Variants in GRB14 observed in about 807,000 individuals in gnomAD.
GRB14 encodes growth factor receptor-bound protein 14.
A neutral mutation model predicts 69.1 loss-of-function variants in GRB14; 38 were observed. The observed-to-expected ratio is 0.55, with a 90% confidence interval of 0.42 to 0.72. The LOEUF (loss-of-function observed/expected upper bound fraction) is 0.72, where lower values mean the gene tolerates loss of function less well. GRB14 is among the 30% of genes least tolerant of loss of function. GRB14 has a pLI of 0.00. For synonymous variants in GRB14, 247 were observed against 241.3 expected, an observed-to-expected ratio of 1.02 and a Z score of -0.22; for missense variants, 666 against 666.1, an observed-to-expected ratio of 1.00 and a Z score of 0.00.
chr2:164,594,920 C>T (rs1457056612), intron 2 of GRB14, among the ~76,000 whole-genome samples: 1 of 152,124 alleles, frequency 6.6e-6, no homozygotes, highest in Non-Finnish European at 1.5e-5. Flanking sequence ...TCTGTTTCTG[C>T]CATAACTCAG....
intron 6 of GRB14, among the ~76,000 whole-genome samples, chr2:164,511,286 G>A (rs892148396): frequency 4.6e-5 from 7 of 152,154 alleles, no homozygotes; most frequent in East Asian, 1.9e-4. Flanking sequence ...GGGTGGCTAC[G>A]GGAGTCCTTG....
chr2:164,553,071 G>A (rs1167758874), intron 2 of GRB14, among the ~76,000 whole-genome samples: 2 of 152,146 alleles, frequency 1.3e-5, no homozygotes, highest in African/African-American at 4.8e-5. Context: ...ACCCCCATAT[G>A]TTTTCCTACA....
intron 13 of GRB14, among the ~76,000 whole-genome samples, chr2:164,493,433 T>TAAAG (rs929302139): frequency 2.0e-5 from 3 of 152,134 alleles, no homozygotes; most frequent in African/African-American, 4.8e-5. Context: ...ATTCTGTTAG[T>TAAAG]AAAGACAGTA....
At position 164,581,928 on chromosome 2, in the gene GRB14, C is replaced by G. The variant is rs529312706; in HGVS notation, c.325-34112G>C. 1.3e-4 allele frequency among the ~76,000 whole-genome samples: 20 copies of G among 152,228 alleles called. No individual in the cohort carries two copies. The South Asian group carries it at 4.2e-3, about 32-fold the overall frequency. The stretch of plus-strand genomic sequence containing the variant: ...CAATAAACTCCTCAATTTTAAGGAC[C>G]CTTGTCTTCATTCTACTTGTCCTTC... On this transcript the variant is annotated intron_variant, in intron 2 of 13. Transcript: ENST00000263915.
chr2:164,574,468 C>T (rs1038998310), intron 2 of GRB14, among the ~76,000 whole-genome samples: 8 of 151,882 alleles, frequency 5.3e-5, no homozygotes, highest in Admixed American at 1.3e-4. Context: ...CTCAATCTTT[C>T]GACCTGATCC....
chr2:164,617,547 T>C (rs1435147577), intron 2 of GRB14, among the ~76,000 whole-genome samples: 2 of 152,140 alleles, frequency 1.3e-5, no homozygotes, highest in East Asian at 3.9e-4. Context: ...CCTGGCACTT[T>C]ACCCATTCTT....
At chr2:164,579,732 A>G (rs1002549224) in intron 2 of GRB14, among the ~76,000 whole-genome samples, 2 of 152,146 alleles carry the variant, frequency 1.3e-5, no homozygotes, top group African/African-American at 4.8e-5. Flanking sequence ...GATGTTGAAG[A>G]AAATGACCTT....
chr2:164,592,291 C>T (rs867183067), intron 2 of GRB14, among the ~76,000 whole-genome samples: 4 of 152,020 alleles, frequency 2.6e-5, no homozygotes, highest in African/African-American at 7.2e-5. Context: ...CCTATCATCA[C>T]GCCAGGTTAA....
At chr2:164,516,194 C>T (rs1687481394) in intron 6 of GRB14, among the ~76,000 whole-genome samples, 1 of 151,942 alleles carries the variant, frequency 6.6e-6, no homozygotes. Context: ...TCTAGACATC[C>T]AAATACAAGA....
At chr2:164,534,378 T>C (rs905713276) in intron 3 of GRB14, among the ~76,000 whole-genome samples, 4 of 152,186 alleles carry the variant, frequency 2.6e-5, no homozygotes, top group African/African-American at 9.7e-5. Context: ...GGAGGCATAA[T>C]TGAATATCAG....
At chr2:164,576,598 T>C (rs1460839268) in intron 2 of GRB14, among the ~76,000 whole-genome samples, 2 of 151,576 alleles carry the variant, frequency 1.3e-5, no homozygotes, top group Non-Finnish European at 2.9e-5. Context: ...ACAATGAAAA[T>C]TGAAAGTGTA....
chr2:164,506,515 A>C (rs1687193656), intron 8 of GRB14, among the ~76,000 whole-genome samples: 1 of 152,224 alleles, frequency 6.6e-6, no homozygotes, highest in African/African-American at 2.4e-5. Flanking sequence ...GTAGGAATGC[A>C]AAATGGTTCA....
chr2:164,522,888 C>G (rs1165757024), intron 5 of GRB14, among the ~76,000 whole-genome samples: 1 of 152,064 alleles, frequency 6.6e-6, no homozygotes. Context: ...GGAAGTGACC[C>G]TTTGCCAATT....
rs182510828 is a variant in GRB14, at chr2:164,525,019, G to A, written c.663C>T (p.Pro221=). 1 of 1,579,548 alleles carries A rather than the reference G, an allele frequency of 6.3e-7. No homozygotes were observed. The highest frequency in any genetic ancestry group is 8.6e-7 in the Non-Finnish European group (1 of 1,156,242). The stretch of plus-strand genomic sequence containing the variant: ...TATATTTTACCTGCAAAATCTGTGT[G>A]GGGGATATTTCACCATTGGTTTCAG... ...FATETNGEIS[P]TQILQMFLSS... Residue 221 remains proline (P), a synonymous_variant, in exon 5 of 14, where the codon CCC becomes CCT. Transcript: ENST00000263915.
chr2:164,563,826 A>G (rs936414757), intron 2 of GRB14, among the ~76,000 whole-genome samples: 1 of 152,250 alleles, frequency 6.6e-6, no homozygotes, highest in Non-Finnish European at 1.5e-5. Context: ...TTAAAATACT[A>G]AGATCTAGTT....
chr2:164,493,229 G>A (rs1686805740), intron 13 of GRB14, 47 bp from the exon 14 acceptor site: 1 of 1,562,704 alleles, frequency 6.4e-7, no homozygotes, highest in Non-Finnish European at 8.7e-7. Flanking sequence ...AAATTACACA[G>A]AAGGACAATC....
At chr2:164,548,216 G>C in intron 2 of GRB14, among the ~76,000 whole-genome samples, 1 of 151,930 alleles carries the variant, frequency 6.6e-6, no homozygotes. Flanking sequence ...CTGCATATTT[G>C]ACTTATTTTT....
At chr2:164,617,051 G>A (rs1374376503) in intron 2 of GRB14, among the ~76,000 whole-genome samples, 1 of 152,184 alleles carries the variant, frequency 6.6e-6, no homozygotes, top group African/African-American at 2.4e-5. Flanking sequence ...AGAACTGAGT[G>A]TGTATAAAGA....
chr2:164,585,946 G>C (rs1193358619), intron 2 of GRB14, among the ~76,000 whole-genome samples: 1 of 152,202 alleles, frequency 6.6e-6, no homozygotes, highest in Non-Finnish European at 1.5e-5. Context: ...GATTATAAGT[G>C]AAGTACTGTT....
Sources: gnomAD v4.1 joint callset for allele counts (sites outside exome capture counted in the v4.1 genomes callset) on GRCh38, gnomAD v4.1.1 for gene constraint, MANE v1.5 for transcripts, NCBI Gene and HGNC (gene_info 2026-07-23, HGNC 2026-07-21) for gene names.